The following RNLS variants were observed in gnomAD, a reference collection of about 807,000 sequenced individuals.
The protein encoded by RNLS is renalase, FAD dependent amine oxidase.
RNLS carries 39 observed loss-of-function variants against 39.8 expected under a neutral mutation model. The observed-to-expected ratio is 0.98, with a 90% confidence interval of 0.76 to 1.28. The LOEUF is 1.28. Among genes scored for constraint, RNLS ranks in the 50% most tolerant of loss-of-function variants. RNLS has a pLI of 0.00. For missense variants in RNLS, 410 were observed against 413.3 expected (o/e 0.99, Z 0.07); for synonymous variants, 147 against 150.7 (o/e 0.98, Z 0.18).
At chr10:88,582,914 G>A (rs1056736344) in intron 1 of RNLS, among the ~76,000 whole-genome samples, 159 bp downstream of exon 1, 15 of 152,264 alleles carry the variant, frequency 9.9e-5, no homozygotes, top group African/African-American at 3.1e-4. Context: ...ATCACGTGAC[G>A]AGGCGCGCCA....
chr10:88,419,780 G>A (rs1301230773), intron 4 of RNLS, among the ~76,000 whole-genome samples: 4 of 152,016 alleles, frequency 2.6e-5, no homozygotes, highest in African/African-American at 4.8e-5. Context: ...CGAGGCGGGC[G>A]GATCACCTGA....
At chr10:88,566,300 G>A (rs1344572396) in intron 4 of RNLS, among the ~76,000 whole-genome samples, 1 of 151,478 alleles carries the variant, frequency 6.6e-6, no homozygotes, top group Admixed American at 6.6e-5. Flanking sequence ...TTTTTCATGG[G>A]TATATATTTA....
At chr10:88,443,366 C>T (rs529539540) in intron 4 of RNLS, among the ~76,000 whole-genome samples, 24 of 152,290 alleles carry the variant, frequency 1.6e-4, no homozygotes, top group African/African-American at 5.5e-4. Flanking sequence ...GGAACAGCTC[C>T]AGTCTACAGC....
chr10:88,548,647 C>A (rs56204449), intron 4 of RNLS, among the ~76,000 whole-genome samples: 1 of 144,684 alleles, frequency 6.9e-6, no homozygotes, highest in East Asian at 2.0e-4. Flanking sequence ...TCAAAATATA[C>A]ATATATATAT....
chr10:88,402,686 A>C (rs554822682), intron 4 of RNLS, among the ~76,000 whole-genome samples: 1 of 152,116 alleles, frequency 6.6e-6, no homozygotes, highest in East Asian at 1.9e-4. Context: ...TTAAGTAAAA[A>C]GATGACATTC....
intron 4 of RNLS, among the ~76,000 whole-genome samples, chr10:88,422,917 C>G (rs527498259): frequency 6.6e-6 from 1 of 152,194 alleles, no homozygotes; most frequent in Admixed American, 6.5e-5. Context: ...CCACGTCCAT[C>G]TGGTTTTTAA....
chr10:88,574,116 A>C lies in RNLS; in HGVS notation c.368-1055T>G, dbSNP rs1023564264. ...AAATCGCACCACTACCCTCCAGCCT[A>C]GGCAACATAACAAATAAAAAGAATG... On this transcript the variant is annotated intron_variant, in intron 3 of 6. Transcript: ENST00000331772. 1.1e-4 allele frequency among the ~76,000 whole-genome samples: 17 copies of C among 152,304 alleles called. No individual in the cohort carries two copies. In the East Asian group the frequency reaches 2.7e-3, roughly 24 times the overall value.
chr10:88,501,019 C>CTGTGTG (rs10678689), intron 4 of RNLS, among the ~76,000 whole-genome samples: 5 of 150,114 alleles, frequency 3.3e-5, no homozygotes, highest in Admixed American at 6.7e-5. Flanking sequence ...ATATATATCT[C>CTGTGTG]TGTGTGTGTG....
intron 4 of RNLS, among the ~76,000 whole-genome samples, chr10:88,372,339 C>T (rs1365801824): frequency 1.3e-5 from 2 of 152,116 alleles, no homozygotes; most frequent in Admixed American, 6.6e-5. Context: ...AAAGGGTTTT[C>T]TCTCTAGTCC....
At chr10:88,233,111 CTT>C in the RNLS span, among the ~76,000 whole-genome samples, 1 of 152,314 alleles carries the variant, frequency 6.6e-6, no homozygotes, top group Admixed American at 6.5e-5. Flanking sequence ...ACCCCTTACT[CTT>C]TATCACTCAG....
At chr10:88,414,439 T>C (rs1853890124) in intron 4 of RNLS, among the ~76,000 whole-genome samples, 1 of 152,176 alleles carries the variant, frequency 6.6e-6, no homozygotes, top group Non-Finnish European at 1.5e-5. Context: ...TGTGTGTGTA[T>C]ATATAACTCT....
intron 4 of RNLS, among the ~76,000 whole-genome samples, chr10:88,386,813 G>A (rs1031288918): frequency 1.3e-5 from 2 of 152,124 alleles, no homozygotes; most frequent in Non-Finnish European, 2.9e-5. Context: ...AGCACTGAAA[G>A]TTCAAAAAAC....
chr10:88,541,971 A>G (rs1281427178), intron 4 of RNLS, among the ~76,000 whole-genome samples: 1 of 152,174 alleles, frequency 6.6e-6, no homozygotes, highest in African/African-American at 2.4e-5. Context: ...GGCCAAGGAC[A>G]TGATGAGGTA....
intron 4 of RNLS, among the ~76,000 whole-genome samples, chr10:88,374,141 C>T (rs1408761248): frequency 1.3e-5 from 2 of 151,758 alleles, no homozygotes; most frequent in African/African-American, 4.8e-5. Context: ...AATAAAATGG[C>T]CTTAACTGGT....
chr10:88,237,698 A>G, the RNLS span, among the ~76,000 whole-genome samples: 2 of 152,228 alleles, frequency 1.3e-5, no homozygotes, highest in Non-Finnish European at 2.9e-5. Context: ...TGGCTGCTAT[A>G]TGGCACAAAT....
At chr10:88,187,178 A>AATATATATAATATATATATAAT in the RNLS span, among the ~76,000 whole-genome samples, 1 of 127,440 alleles carries the variant, frequency 7.8e-6, no homozygotes, top group East Asian at 2.0e-4. Flanking sequence ...ATATATATAT[A>AATATATATAATATATATATAAT]ATATATATAA....
intron 4 of RNLS, among the ~76,000 whole-genome samples, chr10:88,486,345 G>T (rs758407743): frequency 1.3e-5 from 2 of 152,060 alleles, no homozygotes; most frequent in Non-Finnish European, 2.9e-5. Context: ...AAAAGCAATT[G>T]CAGCAAAAGT....
At chr10:88,480,412 A>C (rs754551197) in intron 4 of RNLS, among the ~76,000 whole-genome samples, 10 of 152,216 alleles carry the variant, frequency 6.6e-5, no homozygotes, top group Non-Finnish European at 1.5e-4. Context: ...GGGAAACTAC[A>C]GTCAAATTCA....
At chr10:88,186,936 A>G in the RNLS span, among the ~76,000 whole-genome samples, 1 of 151,728 alleles carries the variant, frequency 6.6e-6, no homozygotes, top group African/African-American at 2.4e-5. Context: ...AAGCAAAACC[A>G]TGACCTGAAA....
Sources: gnomAD v4.1 joint callset for allele counts (sites outside exome capture counted in the v4.1 genomes callset) on GRCh38, gnomAD v4.1.1 for gene constraint, MANE v1.5 for transcripts, NCBI Gene and HGNC (gene_info 2026-07-23, HGNC 2026-07-21) for gene names.